Variants in CERT1 observed in about 807,000 individuals in gnomAD.
CERT1 encodes ceramide transfer protein.
In CERT1, 31 loss-of-function variants were observed where a neutral mutation model predicts 87.9. The ratio of observed to expected loss-of-function variants is 0.35; its 90% CI spans 0.27 to 0.48. The LOEUF is 0.48. Ranked by LOEUF, CERT1 falls within the 20% of genes least tolerant of loss-of-function variation. CERT1 has a pLI of 0.99. For synonymous variants in CERT1, 289 were observed against 250.9 expected, an observed-to-expected ratio of 1.15 and a Z score of -1.44; for missense variants, 487 against 758.0, an observed-to-expected ratio of 0.64 and a Z score of 4.20.
chr5:75,487,802 A>C (rs530812825), intron 2 of CERT1, among the ~76,000 whole-genome samples: 53 of 152,156 alleles, frequency 3.5e-4, no homozygotes, highest in African/African-American at 1.3e-3. Context: ...AATGGCCATT[A>C]TAAGTGTCCG....
chr5:75,458,941 C>G, intron 3 of CERT1, 124 bp downstream of exon 3: 1 of 635,300 alleles, frequency 1.6e-6, no homozygotes, highest in Non-Finnish European at 2.8e-6. Flanking sequence ...CTGCTTTAAT[C>G]TTTATCATCC....
intron 2 of CERT1, among the ~76,000 whole-genome samples, chr5:75,484,335 AAAG>A (rs1766400334): frequency 6.6e-6 from 1 of 151,724 alleles, no homozygotes; most frequent in East Asian, 1.9e-4. Context: ...GAAAGAAAAA[AAAG>A]AAGACCACAA....
At chr5:75,435,662 G>T (rs1025249754) in intron 3 of CERT1, among the ~76,000 whole-genome samples, 4 of 152,114 alleles carry the variant, frequency 2.6e-5, no homozygotes, top group Non-Finnish European at 5.9e-5. Flanking sequence ...TTAGTTGATT[G>T]GTTTCGTTTC....
At position 75,459,110 on chromosome 5, in the gene CERT1, A is replaced by G. The variant is rs754347302; in HGVS notation, c.303T>C (p.Asp101=). ...NDSVWYLRAQ[D]PDHRQQWIDA... Reference sequence around the variant, plus strand: ...CTATCCATTGCTGTCTATGATCTGGATCCTGAGCACGAAGATACCAAACAC... The same window carrying G: ...CTATCCATTGCTGTCTATGATCTGGGTCCTGAGCACGAAGATACCAAACAC... The change falls in exon 3 of 17, where the codon GAT becomes GAC. Residue 101 remains aspartate, a synonymous_variant. Transcript: ENST00000643780. 3.1e-6 allele frequency: 5 copies of G among 1,612,840 alleles called. No homozygotes were observed. The highest frequency in any genetic ancestry group is 1.3e-5 in the African/African-American group (1 of 74,862).
chr5:75,480,098 C>G (rs141452287), intron 2 of CERT1, among the ~76,000 whole-genome samples: 2 of 152,144 alleles, frequency 1.3e-5, no homozygotes, highest in East Asian at 3.8e-4. Context: ...AACTAGACAA[C>G]CCCTTGGCCC....
rs201128802 is a variant in CERT1 at position 75,382,164 on chromosome 5, G to C, written c.1489-87C>G. The C allele has an allele frequency of 2.4e-5, 31 of 1,268,604 alleles. No individual in the cohort carries two copies. In the East Asian group the frequency reaches 5.9e-4, roughly 24 times the overall value. 78.6% of individuals were successfully genotyped at this position (1,268,604 alleles called of 1,614,324 possible). ...AATGCCAATAAATGTCTTAATTGAAGGTAAAATCTCTCAAATTTTAAATGG... is the reference window on the plus strand; with the variant it reads ...AATGCCAATAAATGTCTTAATTGAACGTAAAATCTCTCAAATTTTAAATGG... On this transcript the variant is annotated intron_variant, in intron 14 of 16. Transcript: ENST00000643780.
chr5:75,451,726 A>G (rs1303036525), intron 3 of CERT1, among the ~76,000 whole-genome samples: 1 of 152,198 alleles, frequency 6.6e-6, no homozygotes, highest in Non-Finnish European at 1.5e-5. Flanking sequence ...AAAACTACTA[A>G]GAGTTAATAA....
chr5:75,510,561 G>T (rs1471230969), intron 1 of CERT1, among the ~76,000 whole-genome samples: 2 of 151,982 alleles, frequency 1.3e-5, no homozygotes, highest in Non-Finnish European at 1.5e-5. Flanking sequence ...TCTCTATTCT[G>T]AACTAAGGTA....
chr5:75,389,855 A>G (rs970186668), intron 11 of CERT1, among the ~76,000 whole-genome samples, 168 bp from the exon 12 acceptor site: 2 of 152,248 alleles, frequency 1.3e-5, no homozygotes, highest in African/African-American at 4.8e-5. Flanking sequence ...TTTAGTCCAC[A>G]TTCCAGATAT....
At chr5:75,386,761 T>A (rs1199061919) in intron 12 of CERT1, among the ~76,000 whole-genome samples, 2 of 152,136 alleles carry the variant, frequency 1.3e-5, no homozygotes, top group African/African-American at 4.8e-5. Flanking sequence ...CCCTACCTAT[T>A]TATTACTCAT....
chr5:75,427,059 T>C (rs1269406998), intron 3 of CERT1, among the ~76,000 whole-genome samples: 1 of 152,222 alleles, frequency 6.6e-6, no homozygotes, highest in African/African-American at 2.4e-5. Flanking sequence ...TTTAAATTTT[T>C]GTAACCACCT....
chr5:75,488,336 AT>A (rs931741062), intron 2 of CERT1, among the ~76,000 whole-genome samples: 10 of 151,862 alleles, frequency 6.6e-5, no homozygotes, highest in Non-Finnish European at 1.0e-4. Flanking sequence ...TACTCATAAT[AT>A]TTTTTTTAAA....
At chr5:75,505,881 T>C in intron 2 of CERT1, 101 bp downstream of exon 2, 1 of 863,248 alleles carries the variant, frequency 1.2e-6, no homozygotes, top group East Asian at 2.6e-5. Context: ...GACAAGGATC[T>C]TTATCTTATC....
At chr5:75,457,959 ATGTGTGTG>A (rs10549096) in intron 3 of CERT1, among the ~76,000 whole-genome samples, 7 of 146,706 alleles carry the variant, frequency 4.8e-5, no homozygotes, top group East Asian at 2.1e-4. Flanking sequence ...CCTGTTAAAA[ATGTGTGTG>A]TGTGTGTGTG....
chr5:75,386,277 TTAAAAA>T (rs1227201106), intron 12 of CERT1, among the ~76,000 whole-genome samples: 1 of 152,182 alleles, frequency 6.6e-6, no homozygotes, highest in Admixed American at 6.5e-5. Context: ...TGTGAGTTGT[TTAAAAA>T]TAAATGTATC....
At chr5:75,379,883 G>A (rs1237336391) in intron 16 of CERT1, among the ~76,000 whole-genome samples, 1 of 151,982 alleles carries the variant, frequency 6.6e-6, no homozygotes, top group Non-Finnish European at 1.5e-5. Flanking sequence ...TACCCAGCTG[G>A]ACCAATTATG....
At chr5:75,376,522 G>A (rs1003124027), downstream of CERT1, 7 of 152,290 alleles carry the variant, frequency 4.6e-5, no homozygotes, top group Middle Eastern at 3.4e-3. Context: ...TTGCTGTCAC[G>A]TGCCATCAGT....
chr5:75,507,546 C>T (rs561157650), intron 1 of CERT1, among the ~76,000 whole-genome samples: 7 of 152,246 alleles, frequency 4.6e-5, no homozygotes, highest in Non-Finnish European at 1.0e-4. Flanking sequence ...CACTTAGACA[C>T]GGGCTTGAAA....
chr5:75,496,960 A>T (rs1012642118), intron 2 of CERT1, among the ~76,000 whole-genome samples: 1 of 152,244 alleles, frequency 6.6e-6, no homozygotes, highest in Admixed American at 6.5e-5. Flanking sequence ...GTGATTTTTT[A>T]AAAGGCACAA....
Sources: allele counts gnomAD v4.1 joint callset (sites outside exome capture counted in the v4.1 genomes callset), GRCh38; gene constraint gnomAD v4.1.1; transcripts MANE v1.5; gene names NCBI Gene and HGNC (gene_info 2026-07-23, HGNC 2026-07-21).